SCAPER: variants seen among roughly 807,000 people sequenced by gnomAD.
SCAPER encodes the protein S phase cyclin A-associated protein in the endoplasmic reticulum.
SCAPER carries 98 observed loss-of-function variants against 182.2 expected under a neutral mutation model. That is an observed-to-expected ratio of 0.54 (90% CI 0.46 to 0.64). The LOEUF (loss-of-function observed/expected upper bound fraction) is 0.64, where lower values mean the gene tolerates loss of function less well. SCAPER is among the 30% of genes least tolerant of loss of function. SCAPER has a pLI of 0.00. For missense variants in SCAPER, 1,432 were observed against 1,690.0 expected, an observed-to-expected ratio of 0.85 and a Z score of 2.68; for synonymous variants, 605 against 564.6, an observed-to-expected ratio of 1.07 and a Z score of -1.01.
At chr15:76,856,996 T>C (rs2071438501) in intron 4 of SCAPER, among the ~76,000 whole-genome samples, 1 of 152,218 alleles carries the variant, frequency 6.6e-6, no homozygotes, top group Non-Finnish European at 1.5e-5. Flanking sequence ...AAAATTTTAT[T>C]AGAGCTATTT....
Position 76,471,250 on chromosome 15 carries a change from T to A in SCAPER, c.3040A>T (p.Ile1014Phe). Residue 1014 changes from isoleucine to phenylalanine, a missense_variant, in exon 25 of 32, where the codon ATT becomes TTT. Ile to Phe is a conservative substitution (Grantham distance 21). This residue lies in a region of SCAPER where 718 missense variants were observed against 799.7 expected (regional missense o/e 0.90). Transcript: ENST00000563290. ...ATCAGGAGGTCCATTAAGAAGGTAATCTTGTTACTAAACAGAACATCACTG... is the reference window on the plus strand; with the variant it reads ...ATCAGGAGGTCCATTAAGAAGGTAAACTTGTTACTAAACAGAACATCACTG... ...NCSDVLFSNK[I>F]TFLMDLLIHQ... The A allele has an allele frequency of 6.2e-7, 1 of 1,612,338 alleles. No homozygotes were observed. The highest frequency in any genetic ancestry group is 8.5e-7 in the Non-Finnish European group (1 of 1,179,098).
chr15:76,895,671 C>A (rs1408967785), intron 1 of SCAPER, among the ~76,000 whole-genome samples: 2 of 152,026 alleles, frequency 1.3e-5, no homozygotes, highest in East Asian at 3.8e-4. Flanking sequence ...TTGTAGTATA[C>A]AAAATCAAAA....
rs183538935 is a variant in SCAPER, at chr15:76,362,315, T to C, written c.3856-8175A>G. On this transcript the variant is annotated intron_variant, in intron 29 of 31. Transcript: ENST00000563290. ...AGGTAAATTTGGTCATCTGAAAAATTCACTTATATGGGAATAGTTTATTCC... is the reference window on the plus strand; with the variant it reads ...AGGTAAATTTGGTCATCTGAAAAATCCACTTATATGGGAATAGTTTATTCC... Among the ~76,000 whole-genome samples, 501 of 151,836 alleles carry C rather than the reference T, an allele frequency of 3.3e-3. 3 individuals carry two copies. Among genetic ancestry groups the C allele is most frequent in the South Asian group, 7.1e-3 (34 of 4,810 alleles).
rs571014353 is a variant in SCAPER at position 76,787,514 on chromosome 15, C to T, written c.772+7766G>A. Among the ~76,000 whole-genome samples the T allele has an allele frequency of 2.1e-4, 32 of 152,162 alleles. 1 individual carries two copies. In the South Asian group the frequency reaches 6.2e-3, roughly 30 times the overall value. The stretch of plus-strand genomic sequence containing the variant: ...GCTAATTTTTTATTTTTAGTAAAGG[C>T]AAGGTCTCACTATGTTGCCCAGGCT... On this transcript the variant is annotated intron_variant, in intron 8 of 31. Coordinates refer to ENST00000563290, the MANE Select transcript of SCAPER (RefSeq NM_020843.4).
chr15:76,448,026 G>C (rs2048117849), intron 25 of SCAPER, among the ~76,000 whole-genome samples: 1 of 152,158 alleles, frequency 6.6e-6, no homozygotes, highest in South Asian at 2.1e-4. Context: ...CAGCATGAAA[G>C]AAGACAGAAG....
intron 24 of SCAPER, among the ~76,000 whole-genome samples, chr15:76,495,219 G>T (rs1433019854): frequency 1.3e-5 from 2 of 151,960 alleles, no homozygotes; most frequent in Non-Finnish European, 2.9e-5. Flanking sequence ...TATTGACACT[G>T]GTAAAACAAC....
intron 14 of SCAPER, among the ~76,000 whole-genome samples, chr15:76,761,071 T>C (rs2062756800): frequency 6.6e-6 from 1 of 152,200 alleles, no homozygotes; most frequent in Non-Finnish European, 1.5e-5. Context: ...TTCTTCTTGA[T>C]TCAGTCATGT....
At chr15:76,684,443 C>T (rs1390482952) in intron 20 of SCAPER, among the ~76,000 whole-genome samples, 1 of 152,006 alleles carries the variant, frequency 6.6e-6, no homozygotes, top group Non-Finnish European at 1.5e-5. Flanking sequence ...ATCAAAACAT[C>T]ACATGTACAC....
intron 23 of SCAPER, among the ~76,000 whole-genome samples, chr15:76,506,232 G>T (rs933751680): frequency 2.0e-5 from 3 of 152,000 alleles, no homozygotes; most frequent in African/African-American, 7.3e-5. Context: ...TAATTTAATT[G>T]TTCATTTACA....
chr15:76,554,247 C>T (rs1458331869), intron 23 of SCAPER, among the ~76,000 whole-genome samples: 2 of 152,136 alleles, frequency 1.3e-5, no homozygotes, highest in African/African-American at 4.8e-5. Flanking sequence ...AGCTTGGAGA[C>T]TGGTTCTCCA....
intron 17 of SCAPER, among the ~76,000 whole-genome samples, chr15:76,714,461 C>T (rs1299860857): frequency 6.6e-6 from 1 of 151,946 alleles, no homozygotes; most frequent in African/African-American, 2.4e-5. Context: ...GCCCTGGGCC[C>T]CAGCAATTCC....
chr15:76,386,289 G>A (rs1280741920), intron 27 of SCAPER, among the ~76,000 whole-genome samples: 1 of 152,164 alleles, frequency 6.6e-6, no homozygotes, highest in East Asian at 1.9e-4. Context: ...CACAGGTTCT[G>A]GAGATTCAAA....
Position 76,751,184 on chromosome 15 carries a change from G to C in SCAPER, c.1866+2624C>G, listed in dbSNP as rs141998684. ...TTAGTAATTAACCATGGAGGCAAAAGACACATACAATAAAAACTATAAAAC... is the reference window on the plus strand; with the variant it reads ...TTAGTAATTAACCATGGAGGCAAAACACACATACAATAAAAACTATAAAAC... On this transcript the variant is annotated intron_variant, in intron 15 of 31. Coordinates refer to ENST00000563290, the MANE Select transcript of SCAPER (RefSeq NM_020843.4). Among the ~76,000 whole-genome samples, 89 of 151,578 alleles carry C rather than the reference G, an allele frequency of 5.9e-4. 2 individuals carry two copies. Among genetic ancestry groups the C allele is most frequent in the Middle Eastern group, 3.4e-3 (1 of 294 alleles).
chr15:76,703,474 C>A (rs1567851500), intron 18 of SCAPER, among the ~76,000 whole-genome samples: 2 of 152,130 alleles, frequency 1.3e-5, no homozygotes, highest in Admixed American at 1.3e-4. Context: ...CAGGCAAGGC[C>A]CATCATGACC....
chr15:76,665,609 A>T (rs762837621), intron 21 of SCAPER, 44 bp downstream of exon 21: 3 of 1,532,552 alleles, frequency 2.0e-6, no homozygotes. Flanking sequence ...TAAAAGATAC[A>T]TCACTAAAAG....
At chr15:76,587,379 T>C (rs1239579586) in intron 22 of SCAPER, among the ~76,000 whole-genome samples, 2 of 152,204 alleles carry the variant, frequency 1.3e-5, no homozygotes, top group African/African-American at 4.8e-5. Flanking sequence ...GGTGTGATCT[T>C]AGATTGTCTA....
intron 25 of SCAPER, among the ~76,000 whole-genome samples, chr15:76,459,146 C>T (rs1246388208): frequency 6.6e-6 from 1 of 152,148 alleles, no homozygotes; most frequent in African/African-American, 2.4e-5. Context: ...CCTGCCTTGG[C>T]CTTCCAAATT....
At chr15:76,535,542 A>G (rs991467648) in intron 23 of SCAPER, among the ~76,000 whole-genome samples, 2 of 150,788 alleles carry the variant, frequency 1.3e-5, no homozygotes, top group South Asian at 4.2e-4. Context: ...AAAAAAAAAA[A>G]AAAAAGAAAT....
At chr15:76,509,311 C>T (rs1437687631) in intron 23 of SCAPER, among the ~76,000 whole-genome samples, 1 of 152,150 alleles carries the variant, frequency 6.6e-6, no homozygotes, top group Non-Finnish European at 1.5e-5. Flanking sequence ...GAATATTCTA[C>T]TTCTGTTACA....
Sources: gnomAD v4.1 joint callset for allele counts (sites outside exome capture counted in the v4.1 genomes callset) on GRCh38, gnomAD v4.1.1 for gene constraint, gnomAD v4.1.1 regional missense constraint, MANE v1.5 for transcripts, NCBI Gene and HGNC (gene_info 2026-07-23, HGNC 2026-07-21) for gene names.